The following LARP1 variants were observed in gnomAD, a reference collection of about 807,000 sequenced individuals.
LARP1 encodes La ribonucleoprotein 1, translational regulator, also known as la-related protein 1.
A neutral mutation model predicts 122.7 loss-of-function variants in LARP1; 36 were observed. That is an observed-to-expected ratio of 0.29 (90% CI 0.22 to 0.39). The LOEUF (loss-of-function observed/expected upper bound fraction) is 0.39, where lower values mean the gene tolerates loss of function less well. Ranked by LOEUF, LARP1 falls within the 10% of genes least tolerant of loss-of-function variation. The pLI is 1.00. For synonymous variants in LARP1, 539 were observed against 528.7 expected (o/e 1.02, Z -0.27); for missense variants, 1,040 against 1,403.6 (o/e 0.74, Z 4.14).
In LARP1 at chr5:154,803,279, G is replaced by A; in HGVS notation, c.2110-11G>A. 6.2e-7 allele frequency: 1 copy of A among 1,614,102 alleles called. No homozygotes were observed. The highest frequency in any genetic ancestry group is 1.3e-5 in the African/African-American group (1 of 74,988). On this transcript the variant is annotated splice_polypyrimidine_tract_variant and intron_variant, in intron 11 of 18. Transcript: ENST00000518297. The surrounding 1 kb of genome is among the most constrained non-coding windows in gnomAD (Gnocchi z 4.4). ...TTACATCTTTCCCCACTCATCTCAT[G>A]ACCTCTGCAGCAAGAAGTCGAGAAC...
intron 1 of LARP1, among the ~76,000 whole-genome samples, chr5:154,746,195 T>C (rs994408042): frequency 2.0e-5 from 3 of 152,234 alleles, no homozygotes; most frequent in Non-Finnish European, 4.4e-5. Context: ...TGTGCTAGTG[T>C]AGGGAGTTTT....
intron 1 of LARP1, among the ~76,000 whole-genome samples, chr5:154,763,384 C>T (rs768026564): frequency 1.3e-5 from 2 of 151,972 alleles, no homozygotes; most frequent in African/African-American, 4.8e-5. Flanking sequence ...TTTTTATTCC[C>T]ACTTCACAGA....
chr5:154,747,629 G>A (rs556838491), intron 1 of LARP1, among the ~76,000 whole-genome samples: 7 of 152,320 alleles, frequency 4.6e-5, no homozygotes, highest in African/African-American at 1.2e-4. Flanking sequence ...CCTGGGAGGC[G>A]GAGGTTGCGG....
At chr5:154,781,872 A>G (rs1441975430) in intron 1 of LARP1, among the ~76,000 whole-genome samples, 1 of 152,198 alleles carries the variant, frequency 6.6e-6, no homozygotes, top group Non-Finnish European at 1.5e-5. Flanking sequence ...CCTCTGTAGT[A>G]AGCTCTCAGT....
intron 1 of LARP1, among the ~76,000 whole-genome samples, chr5:154,701,768 C>T (rs1224188859): frequency 2.6e-5 from 4 of 152,076 alleles, no homozygotes; most frequent in East Asian, 1.9e-4. Flanking sequence ...ATTATAGGCG[C>T]CTGCCACCAT....
At chr5:154,756,658 G>C (rs1753947278) in intron 1 of LARP1, 1 of 266,344 alleles carries the variant, frequency 3.8e-6, no homozygotes, top group East Asian at 1.7e-4. Context: ...GGGCAACCCA[G>C]TGCCCGGCGC....
chr5:154,741,587 G>C (rs188986913), intron 1 of LARP1, among the ~76,000 whole-genome samples: 19 of 152,286 alleles, frequency 1.2e-4, no homozygotes, highest in Non-Finnish European at 2.4e-4. Flanking sequence ...GTGTGTGGGT[G>C]GGGGGAGTGG....
intron 8 of LARP1, among the ~76,000 whole-genome samples, chr5:154,797,221 G>T (rs200808190): frequency 0.067 from 1,991 of 29,784 alleles, 29 homozygotes; most frequent in South Asian, 0.17. Flanking sequence ...TGTTGTTGTT[G>T]TTTTTTTTTT....
chr5:154,808,589 C>G lies in LARP1; in HGVS notation c.2829C>G (p.Ala943=), dbSNP rs146467775. The change falls in exon 16 of 19, where the codon GCC becomes GCG. Residue 943 remains alanine (A), a synonymous_variant. Coordinates refer to ENST00000518297, the MANE Select transcript of LARP1 (RefSeq NM_033551.3). ...TCAAGCAGCTGGCTCTGGAGGACGC[C>G]AAAGAAGGCTACAGGTGAGCAGGTT... The part of the protein sequence containing the change: ...EEFKQLALED[A]KEGYRYGLEC... 482 of 1,612,686 alleles carry G rather than the reference C, an allele frequency of 3.0e-4. 3 individuals are homozygous for G. The highest frequency in any genetic ancestry group is 5.5e-5 in the Non-Finnish European group (65 of 1,179,498).
chr5:154,763,651 G>A (rs1754663586), intron 1 of LARP1, among the ~76,000 whole-genome samples: 1 of 149,524 alleles, frequency 6.7e-6, no homozygotes, highest in Non-Finnish European at 1.5e-5. Context: ...TCTCTAAAAA[G>A]TAAATGTCTT....
At chr5:154,797,221 G>GGTTTTTTT (rs1757940079) in intron 8 of LARP1, among the ~76,000 whole-genome samples, 1 of 29,748 alleles carries the variant, frequency 3.4e-5, no homozygotes, top group African/African-American at 1.0e-4. Flanking sequence ...TGTTGTTGTT[G>GGTTTTTTT]TTTTTTTTTT....
At chr5:154,738,610 C>T (rs1757044830) in intron 1 of LARP1, among the ~76,000 whole-genome samples, 1 of 151,734 alleles carries the variant, frequency 6.6e-6, no homozygotes, top group Non-Finnish European at 1.5e-5. Context: ...AAAGAAGAAA[C>T]AGCAGCTGTT....
upstream of LARP1, among the ~76,000 whole-genome samples, chr5:154,755,156 T>C (rs1324031702): frequency 6.6e-6 from 1 of 151,108 alleles, no homozygotes; most frequent in East Asian, 2.0e-4. Flanking sequence ...GGAGGTGCTC[T>C]GAGGAATCGG....
intron 1 of LARP1, among the ~76,000 whole-genome samples, chr5:154,730,512 G>T (rs1244540675): frequency 4.7e-5 from 7 of 150,138 alleles, no homozygotes; most frequent in African/African-American, 1.7e-4. Context: ...TGCCGTGGTC[G>T]CCCAGGCTGG....
intron 1 of LARP1, among the ~76,000 whole-genome samples, chr5:154,779,913 G>C (rs1487820645): frequency 6.6e-6 from 1 of 152,164 alleles, no homozygotes; most frequent in East Asian, 1.9e-4. Flanking sequence ...AGCCTGTCCT[G>C]TCTCCATGTT....
intron 1 of LARP1, among the ~76,000 whole-genome samples, chr5:154,716,045 C>T (rs1252218512): frequency 6.6e-6 from 1 of 152,120 alleles, no homozygotes; most frequent in East Asian, 1.9e-4. Context: ...CTTACCCCTT[C>T]CACCAGAAGT....
intron 8 of LARP1, among the ~76,000 whole-genome samples, chr5:154,798,289 C>T (rs1423677581): frequency 6.6e-6 from 1 of 152,124 alleles, no homozygotes; most frequent in Non-Finnish European, 1.5e-5. Context: ...TAGAACCTTT[C>T]CATTTAAGAA....
intron 14 of LARP1, 153 bp from the exon 15 acceptor site, chr5:154,805,728 G>A: frequency 1.4e-6 from 1 of 730,178 alleles, no homozygotes; most frequent in Non-Finnish European, 2.3e-6. Flanking sequence ...TCAGACCCAT[G>A]GATATAAGTT....
intron 1 of LARP1, among the ~76,000 whole-genome samples, chr5:154,701,867 CCT>C (rs1196855268): frequency 1.3e-5 from 2 of 152,074 alleles, no homozygotes; most frequent in African/African-American, 4.8e-5. Flanking sequence ...GTGATCCACC[CCT>C]GTCGGCCTTC....
Sources: allele counts gnomAD v4.1 joint callset (sites outside exome capture counted in the v4.1 genomes callset), GRCh38; gene constraint gnomAD v4.1.1; non-coding constraint Gnocchi (gnomAD v3.1); transcripts MANE v1.5; gene names NCBI Gene and HGNC (gene_info 2026-07-23, HGNC 2026-07-21).